The following MARCHF1 variants were observed in gnomAD, a reference collection of about 807,000 sequenced individuals.
MARCHF1 encodes the protein E3 ubiquitin-protein ligase MARCHF1.
In MARCHF1, 40 loss-of-function variants were observed where a neutral mutation model predicts 54.2. That is an observed-to-expected ratio of 0.74 (90% CI 0.57 to 0.96). The LOEUF is 0.96. Among genes scored for constraint, MARCHF1 ranks in the 40% least tolerant of loss-of-function variants. The probability of loss-of-function intolerance (pLI) is 0.00; values close to 1 mark genes in which losing one functional copy is unlikely to be tolerated. For synonymous variants in MARCHF1, 236 were observed against 236.3 expected, an observed-to-expected ratio of 1.00 and a Z score of 0.01; for missense variants, 586 against 656.5, an observed-to-expected ratio of 0.89 and a Z score of 1.17.
At chr4:163,772,875 CT>C (rs1056687318) in intron 4 of MARCHF1, among the ~76,000 whole-genome samples, 13 of 152,130 alleles carry the variant, frequency 8.5e-5, no homozygotes, top group African/African-American at 3.1e-4. Context: ...CACATTGCCA[CT>C]GAACTGATGA....
intron 5 of MARCHF1, among the ~76,000 whole-genome samples, chr4:163,640,501 C>T (rs1324641467): frequency 1.3e-5 from 2 of 152,106 alleles, no homozygotes; most frequent in Non-Finnish European, 1.5e-5. Context: ...CTTTTGAGGT[C>T]CACACAAGTG....
At position 164,173,268 on chromosome 4, in the gene MARCHF1, C is replaced by T. The variant is rs545458742; in HGVS notation, c.-322-61606G>A. On this transcript the variant is annotated intron_variant, in intron 1 of 9. Coordinates refer to ENST00000514618, the MANE Select transcript of MARCHF1 (RefSeq NM_001394959.1). ...AAATATAATTTATTTAAAAGATGAT[C>T]AATAAAATTAACAATTGGTTATAAT... Among the ~76,000 whole-genome samples the T allele has an allele frequency of 9.9e-5, 15 of 151,602 alleles. No homozygotes were observed. In the South Asian group the frequency reaches 2.9e-3, roughly 30 times the overall value.
intron 4 of MARCHF1, among the ~76,000 whole-genome samples, chr4:163,724,705 T>C (rs184045877): frequency 0.013 from 1,943 of 152,258 alleles, 24 homozygotes; most frequent in South Asian, 0.045. Flanking sequence ...GCCTCAGCCA[T>C]GGTGGGCGCC....
chr4:163,713,484 GAATTA>G (rs901939173), intron 4 of MARCHF1, among the ~76,000 whole-genome samples: 16 of 152,102 alleles, frequency 1.1e-4, no homozygotes, highest in African/African-American at 3.9e-4. Flanking sequence ...GTTGCTGTAA[GAATTA>G]AATAAGTAAA....
chr4:163,895,100 C>CAT (rs1393483270), intron 3 of MARCHF1, among the ~76,000 whole-genome samples: 4 of 152,012 alleles, frequency 2.6e-5, no homozygotes, highest in Non-Finnish European at 5.9e-5. Context: ...GCATGTGATG[C>CAT]ATATATATAC....
chr4:163,657,526 C>T (rs150327779), intron 5 of MARCHF1, among the ~76,000 whole-genome samples: 126 of 152,130 alleles, frequency 8.3e-4, no homozygotes, highest in African/African-American at 2.9e-3. Context: ...ATTAAACTAC[C>T]ATGGAAATTC....
At chr4:163,717,641 C>T (rs1745307448) in intron 4 of MARCHF1, among the ~76,000 whole-genome samples, 1 of 152,186 alleles carries the variant, frequency 6.6e-6, no homozygotes, top group Non-Finnish European at 1.5e-5. Flanking sequence ...TATTTCTCCA[C>T]ATCCTCTCCA....
At chr4:164,157,558 T>C (rs1730110524) in intron 1 of MARCHF1, among the ~76,000 whole-genome samples, 1 of 152,178 alleles carries the variant, frequency 6.6e-6, no homozygotes, top group Non-Finnish European at 1.5e-5. Flanking sequence ...TTCTGGAAGC[T>C]TGAAATCAAG....
At chr4:163,771,544 G>A (rs1747161377) in intron 4 of MARCHF1, among the ~76,000 whole-genome samples, 1 of 152,130 alleles carries the variant, frequency 6.6e-6, no homozygotes, top group Non-Finnish European at 1.5e-5. Flanking sequence ...AGACAAATGA[G>A]CTCCCTCGGG....
Position 163,706,901 on chromosome 4 carries a change from G to A in MARCHF1, c.112-6038C>T, listed in dbSNP as rs1224453201. ...CTATCATTAAGTCAATATGGTATTG[G>A]CATAGAAATTAACTGAAAGATCAGT... On this transcript the variant is annotated intron_variant, in intron 4 of 9. Transcript: ENST00000514618. Among the ~76,000 whole-genome samples the A allele has an allele frequency of 6.6e-5, 10 of 152,104 alleles. No homozygotes were observed. In the East Asian group the frequency reaches 1.9e-3, roughly 29 times the overall value.
chr4:164,006,244 T>A (rs575614909), intron 2 of MARCHF1, among the ~76,000 whole-genome samples: 1 of 152,290 alleles, frequency 6.6e-6, no homozygotes, highest in Admixed American at 6.5e-5. Context: ...CAGAAATTTT[T>A]CAGAGAAATT....
chr4:163,882,950 C>G (rs1455395420), intron 3 of MARCHF1, among the ~76,000 whole-genome samples: 1 of 152,132 alleles, frequency 6.6e-6, no homozygotes, highest in Admixed American at 6.5e-5. Context: ...GCACTCCAAC[C>G]TGGGCAACAG....
intron 3 of MARCHF1, among the ~76,000 whole-genome samples, chr4:163,920,532 C>A (rs1383770820): frequency 6.6e-6 from 1 of 152,108 alleles, no homozygotes; most frequent in Non-Finnish European, 1.5e-5. Flanking sequence ...GAGGTTATGC[C>A]CTAGACAGCT....
Position 163,612,822 on chromosome 4 carries a change from C to T in MARCHF1, c.459G>A (p.Arg153=), listed in dbSNP as rs1391788763. The change falls in exon 7 of 10, where the codon AGG becomes AGA. Residue 153 remains arginine (R), a synonymous_variant. Coordinates refer to ENST00000514618, the MANE Select transcript of MARCHF1 (RefSeq NM_001394959.1). ...FHLQISSPRW[R]ELYTDSSDSS... ...AATCTGAAGAATCTGTGTAAAGCTC[C>T]CTCCACCTGGGGCTTGAGATTTGAA... 6.5e-7 allele frequency: 1 copy of T among 1,534,994 alleles called. No homozygotes were observed. The highest frequency in any genetic ancestry group is 1.4e-5 in the African/African-American group (1 of 72,888).
intron 1 of MARCHF1, among the ~76,000 whole-genome samples, chr4:164,142,911 T>C (rs1376086913): frequency 2.0e-5 from 3 of 151,822 alleles, no homozygotes; most frequent in African/African-American, 7.3e-5. Flanking sequence ...GGCAAAGAAA[T>C]TGAAAACTTT....
chr4:164,042,078 T>C (rs528568476), intron 2 of MARCHF1, among the ~76,000 whole-genome samples: 1 of 152,246 alleles, frequency 6.6e-6, no homozygotes, highest in East Asian at 1.9e-4. Flanking sequence ...TCGATTTACT[T>C]CTCTTTATTA....
chr4:163,807,335 G>A (rs1269431760), intron 4 of MARCHF1, among the ~76,000 whole-genome samples: 2 of 152,108 alleles, frequency 1.3e-5, no homozygotes, highest in African/African-American at 4.8e-5. Context: ...ACATACATTT[G>A]AAATGAATAT....
At chr4:163,697,908 A>G (rs1744685380) in intron 5 of MARCHF1, among the ~76,000 whole-genome samples, 1 of 152,216 alleles carries the variant, frequency 6.6e-6, no homozygotes, top group Non-Finnish European at 1.5e-5. Context: ...AACATTGCAT[A>G]TATTATAGAC....
chr4:163,997,284 G>T (rs1481538288), intron 2 of MARCHF1, among the ~76,000 whole-genome samples: 3 of 152,008 alleles, frequency 2.0e-5, no homozygotes, highest in Non-Finnish European at 4.4e-5. Flanking sequence ...CTAAAAAACA[G>T]TATGGGAGCA....
Sources: gnomAD v4.1 joint callset for allele counts (sites outside exome capture counted in the v4.1 genomes callset) on GRCh38, gnomAD v4.1.1 for gene constraint, MANE v1.5 for transcripts, NCBI Gene and HGNC (gene_info 2026-07-23, HGNC 2026-07-21) for gene names.